The following CDH7 variants were observed in gnomAD, a reference collection of about 807,000 sequenced individuals.
CDH7 encodes cadherin 7, also known as cadherin-7.
CDH7 carries 25 observed loss-of-function variants against 71.8 expected under a neutral mutation model. The ratio of observed to expected loss-of-function variants is 0.35; its 90% CI spans 0.25 to 0.49. The LOEUF is 0.49. Among genes scored for constraint, CDH7 ranks in the 20% least tolerant of loss-of-function variants. CDH7 has a pLI of 0.99. For synonymous variants in CDH7, 381 were observed against 363.8 expected (o/e 1.05, Z -0.54); for missense variants, 862 against 974.6 (o/e 0.88, Z 1.54).
chr18:65,784,124 T>TTTTTG, intron 2 of CDH7, among the ~76,000 whole-genome samples: 1 of 149,420 alleles, frequency 6.7e-6, no homozygotes, highest in South Asian at 2.2e-4. Flanking sequence ...TTTTTTTTTT[T>TTTTTG]TTTTTTTTGT....
intron 7 of CDH7, among the ~76,000 whole-genome samples, chr18:65,848,803 A>G (rs1369431778): frequency 6.7e-6 from 1 of 149,674 alleles, no homozygotes; most frequent in Non-Finnish European, 1.5e-5. Flanking sequence ...AAATATGTTT[A>G]TATTTATGTT....
At chr18:65,807,520 G>T (rs1887073723) in intron 2 of CDH7, among the ~76,000 whole-genome samples, 1 of 152,124 alleles carries the variant, frequency 6.6e-6, no homozygotes, top group African/African-American at 2.4e-5. Context: ...ATTTCTTGTG[G>T]TCTTCTGGAT....
At chr18:65,851,482 G>C (rs946767045) in intron 7 of CDH7, among the ~76,000 whole-genome samples, 1 of 152,082 alleles carries the variant, frequency 6.6e-6, no homozygotes, top group Non-Finnish European at 1.5e-5. Flanking sequence ...TTAATAGCTG[G>C]TGATAAGAAT....
chr18:65,868,439 C>T lies in CDH7; in HGVS notation c.1864+5522C>T, dbSNP rs546069954. On this transcript the variant is annotated intron_variant, in intron 11 of 11. Transcript: ENST00000397968. ...AGTCCGGACCCAAACACAGGGAAGC[C>T]TGCCTCCTAAATGTTCTTTATAAGG... is the stretch of plus-strand genomic sequence containing the variant. 4.6e-5 allele frequency among the ~76,000 whole-genome samples: 7 copies of T among 152,302 alleles called. No individual in the cohort carries two copies. The South Asian group carries it at 1.2e-3, about 27-fold the overall frequency.
At chr18:65,871,741 G>C (rs1913933954) in intron 11 of CDH7, among the ~76,000 whole-genome samples, 1 of 152,174 alleles carries the variant, frequency 6.6e-6, no homozygotes, top group African/African-American at 2.4e-5. Context: ...ACAGAAAGTT[G>C]TTATCAGTAA....
At chr18:65,870,544 T>TG (rs2144053868) in intron 11 of CDH7, among the ~76,000 whole-genome samples, 1 of 152,258 alleles carries the variant, frequency 6.6e-6, no homozygotes, top group South Asian at 2.1e-4. Flanking sequence ...AAGGCATGTT[T>TG]GGCCACCTGC....
chr18:65,812,455 A>G (rs1911578903), intron 3 of CDH7, among the ~76,000 whole-genome samples: 1 of 152,234 alleles, frequency 6.6e-6, no homozygotes, highest in African/African-American at 2.4e-5. Flanking sequence ...GTATGGGCTT[A>G]CAGTTTATCA....
At chr18:65,783,312 G>T (rs1910381670) in intron 2 of CDH7, among the ~76,000 whole-genome samples, 1 of 152,144 alleles carries the variant, frequency 6.6e-6, no homozygotes, top group African/African-American at 2.4e-5. Flanking sequence ...TTAACAGAAA[G>T]ATAATTATAA....
At chr18:65,778,149 G>A (rs1910022665) in intron 2 of CDH7, among the ~76,000 whole-genome samples, 1 of 151,852 alleles carries the variant, frequency 6.6e-6, no homozygotes, top group Non-Finnish European at 1.5e-5. Context: ...ACACGCACCT[G>A]TAATCCCAGC....
At chr18:65,867,795 G>A (rs1913809584) in intron 11 of CDH7, among the ~76,000 whole-genome samples, 1 of 152,126 alleles carries the variant, frequency 6.6e-6, no homozygotes. Flanking sequence ...ATTGGGATTA[G>A]TTAGACCAGC....
intron 2 of CDH7, among the ~76,000 whole-genome samples, chr18:65,782,506 T>C (rs1006617873): frequency 6.6e-6 from 1 of 152,114 alleles, no homozygotes; most frequent in African/African-American, 2.4e-5. Flanking sequence ...ACAAGTATAT[T>C]AAAATAGAGC....
Position 65,824,774 on chromosome 18 carries a change from C to A in CDH7, c.924C>A (p.Gly308=). The change falls in exon 6 of 12, where the codon GGC becomes GGA. Residue 308 remains glycine (G), a synonymous_variant. Coordinates refer to ENST00000397968, the MANE Select transcript of CDH7 (RefSeq NM_004361.5). ...AGATTGTGGATGGTGATGGTTTGGG[C>A]ATTTTTAAGATTTCTGTTGACAAAG... ...EYKIVDGDGL[G]IFKISVDKET... The A allele has an allele frequency of 6.2e-7, 1 of 1,612,240 alleles. No individual in the cohort carries two copies.
chr18:65,807,117 G>A (rs1358621885), intron 2 of CDH7, among the ~76,000 whole-genome samples: 1 of 151,968 alleles, frequency 6.6e-6, no homozygotes, highest in Admixed American at 6.6e-5. Flanking sequence ...GTGGGGTGGG[G>A]CACGGCTGGG....
At chr18:65,755,766 C>G (rs1916011141) in intron 1 of CDH7, among the ~76,000 whole-genome samples, 1 of 152,162 alleles carries the variant, frequency 6.6e-6, no homozygotes, top group South Asian at 2.1e-4. Context: ...ACTACTCTAA[C>G]TCTGTGGACT....
intron 11 of CDH7, among the ~76,000 whole-genome samples, chr18:65,877,666 A>G (rs1914111254): frequency 6.6e-6 from 1 of 152,010 alleles, no homozygotes; most frequent in Non-Finnish European, 1.5e-5. Context: ...TGTGCATCCC[A>G]TCACTATTTT....
intron 3 of CDH7, among the ~76,000 whole-genome samples, chr18:65,811,576 C>G (rs375266559): frequency 6.6e-6 from 1 of 152,114 alleles, no homozygotes; most frequent in Non-Finnish European, 1.5e-5. Context: ...TGCTTACCAA[C>G]AAGAGCAGCA....
intron 2 of CDH7, among the ~76,000 whole-genome samples, chr18:65,775,748 G>A (rs574907497): frequency 3.3e-5 from 5 of 152,322 alleles, no homozygotes; most frequent in East Asian, 3.9e-4. Flanking sequence ...CATGTAGCCT[G>A]TGGGCCTTGA....
At chr18:65,812,909 A>C (rs1367338052) in intron 3 of CDH7, among the ~76,000 whole-genome samples, 1 of 152,246 alleles carries the variant, frequency 6.6e-6, no homozygotes, top group Non-Finnish European at 1.5e-5. Flanking sequence ...GAAAGAGAGA[A>C]CATCAATGTA....
intron 11 of CDH7, among the ~76,000 whole-genome samples, chr18:65,872,311 G>T (rs771480178): frequency 6.6e-6 from 1 of 152,120 alleles, no homozygotes; most frequent in Non-Finnish European, 1.5e-5. Flanking sequence ...GATTGCTCTG[G>T]TTTGAGAGCA....
Sources: allele counts gnomAD v4.1 joint callset (sites outside exome capture counted in the v4.1 genomes callset), GRCh38; gene constraint gnomAD v4.1.1; transcripts MANE v1.5; gene names NCBI Gene and HGNC (gene_info 2026-07-23, HGNC 2026-07-21).